The following ARHGEF38 variants were observed in gnomAD, a reference collection of about 807,000 sequenced individuals.
The protein encoded by ARHGEF38 is Rho guanine nucleotide exchange factor (GEF) 38.
ARHGEF38 carries 79 observed loss-of-function variants against 79.9 expected under a neutral mutation model. The observed-to-expected ratio is 0.99, with a 90% CI of 0.82 to 1.19. The LOEUF is 1.19. Among genes scored for constraint, ARHGEF38 ranks in the 50% most tolerant of loss-of-function variants. The probability of loss-of-function intolerance (pLI) is 0.00; values close to 1 mark genes in which losing one functional copy is unlikely to be tolerated. For synonymous variants in ARHGEF38, 366 were observed against 328.3 expected, an observed-to-expected ratio of 1.11 and a Z score of -1.24; for missense variants, 962 against 907.2, an observed-to-expected ratio of 1.06 and a Z score of -0.78.
chr4:105,626,634 A>C (rs10023798), intron 3 of ARHGEF38, among the ~76,000 whole-genome samples: 29,142 of 151,914 alleles, frequency 0.19, 3,555 homozygotes, highest in African/African-American at 0.34. Flanking sequence ...ATTATAGAAG[A>C]CTTTCAGTTT....
chr4:105,627,625 C>T (rs1729001935), intron 3 of ARHGEF38, among the ~76,000 whole-genome samples: 1 of 152,030 alleles, frequency 6.6e-6, no homozygotes, highest in South Asian at 2.1e-4. Context: ...AAAAGAAGAG[C>T]ACACTAGTTT....
intron 2 of ARHGEF38, among the ~76,000 whole-genome samples, chr4:105,596,544 G>T (rs1253828064): frequency 6.6e-6 from 1 of 152,164 alleles, no homozygotes; most frequent in Non-Finnish European, 1.5e-5. Flanking sequence ...ACTGTTCAAA[G>T]ACCATAATAC....
chr4:105,664,336 T>A (rs1730673741), intron 10 of ARHGEF38, among the ~76,000 whole-genome samples: 1 of 152,246 alleles, frequency 6.6e-6, no homozygotes, highest in Non-Finnish European at 1.5e-5. Context: ...CCCGCCTCAG[T>A]GGTAACTACT....
chr4:105,656,290 A>G (rs1311772562), intron 9 of ARHGEF38, among the ~76,000 whole-genome samples: 1 of 152,154 alleles, frequency 6.6e-6, no homozygotes, highest in Non-Finnish European at 1.5e-5. Flanking sequence ...TCCTGGGGTC[A>G]AGTGAGCTAT....
chr4:105,620,264 G>A (rs1056507237), intron 3 of ARHGEF38, among the ~76,000 whole-genome samples: 1 of 152,120 alleles, frequency 6.6e-6, no homozygotes, highest in Non-Finnish European at 1.5e-5. Context: ...AGAACACATG[G>A]GTTTTAATAT....
At chr4:105,635,653 G>A (rs1228442041) in intron 4 of ARHGEF38, among the ~76,000 whole-genome samples, 1 of 152,002 alleles carries the variant, frequency 6.6e-6, no homozygotes, top group Admixed American at 6.6e-5. Flanking sequence ...TTTCCCTTTA[G>A]AAGAGGAAAG....
chr4:105,655,473 T>A (rs1730282095), intron 8 of ARHGEF38, 130 bp from the exon 9 acceptor site: 1 of 937,730 alleles, frequency 1.1e-6, no homozygotes. Context: ...TTATAAAATG[T>A]TTGTTGTTCC....
At chr4:105,652,482 T>C (rs1410334968) in intron 7 of ARHGEF38, among the ~76,000 whole-genome samples, 1 of 152,162 alleles carries the variant, frequency 6.6e-6, no homozygotes, top group African/African-American at 2.4e-5. Context: ...GGAGGATTTA[T>C]AGAATGGGTG....
At chr4:105,556,877 A>T (rs1438185927) in intron 1 of ARHGEF38, among the ~76,000 whole-genome samples, 1 of 152,220 alleles carries the variant, frequency 6.6e-6, no homozygotes, top group African/African-American at 2.4e-5. Context: ...CAGTTAAATG[A>T]ACATCAGAGA....
At chr4:105,593,191 C>A (rs1002260613) in intron 2 of ARHGEF38, among the ~76,000 whole-genome samples, 1 of 151,992 alleles carries the variant, frequency 6.6e-6, no homozygotes, top group Non-Finnish European at 1.5e-5. Context: ...AAAATAAGCA[C>A]AATTTATCAA....
chr4:105,639,159 AT>A (rs1466361343), intron 5 of ARHGEF38, among the ~76,000 whole-genome samples: 1 of 151,870 alleles, frequency 6.6e-6, no homozygotes, highest in African/African-American at 2.4e-5. Context: ...CATTTTTCCT[AT>A]GTATTTAACT....
In ARHGEF38 at chr4:105,583,097, T is replaced by C. The variant is rs1726874753; in HGVS notation, c.197-6151T>C. The stretch of plus-strand genomic sequence containing the variant: ...TGGTCACTTGAGTTATGATTACACA[T>C]AGATTTGAATCGACTGCCTTATATT... On this transcript the variant is annotated intron_variant, in intron 1 of 13. Coordinates refer to ENST00000420470, the MANE Select transcript of ARHGEF38 (RefSeq NM_001242729.2). 3.3e-5 allele frequency among the ~76,000 whole-genome samples: 5 copies of C among 152,192 alleles called. No homozygotes were observed. In the South Asian group the frequency reaches 1.0e-3, roughly 32 times the overall value.
intron 1 of ARHGEF38, among the ~76,000 whole-genome samples, chr4:105,571,135 G>A (rs990325791): frequency 2.0e-5 from 3 of 152,030 alleles, no homozygotes; most frequent in Admixed American, 6.5e-5. Context: ...ATTTAATGCC[G>A]CTGAACTGCA....
intron 1 of ARHGEF38, among the ~76,000 whole-genome samples, chr4:105,581,322 C>T (rs1326275913): frequency 6.6e-6 from 1 of 152,112 alleles, no homozygotes; most frequent in Non-Finnish European, 1.5e-5. Flanking sequence ...TCAGGAATAG[C>T]ATCTTTCAAA....
chr4:105,657,512 A>G (rs1004680010), intron 9 of ARHGEF38, among the ~76,000 whole-genome samples: 7 of 152,182 alleles, frequency 4.6e-5, no homozygotes, highest in Non-Finnish European at 1.5e-5. Flanking sequence ...TTTTAGGACA[A>G]AATAATAAAG....
chr4:105,564,424 C>T (rs1245778878), intron 1 of ARHGEF38, among the ~76,000 whole-genome samples: 1 of 152,042 alleles, frequency 6.6e-6, no homozygotes, highest in Non-Finnish European at 1.5e-5. Context: ...CTATATGATT[C>T]TACTTATATG....
intron 4 of ARHGEF38, among the ~76,000 whole-genome samples, chr4:105,632,502 T>C (rs956775637): frequency 1.3e-5 from 2 of 152,200 alleles, no homozygotes; most frequent in African/African-American, 4.8e-5. Flanking sequence ...TTTGAAGTTG[T>C]GTTCATTTTA....
Position 105,593,652 on chromosome 4 carries a change from G to A in ARHGEF38, c.384+4217G>A, listed in dbSNP as rs868361017. On this transcript the variant is annotated intron_variant, in intron 2 of 13. Transcript: ENST00000420470. ...GACTAAGTTTACCTTATATGAAAAT[G>A]TTGCCAATTTAAATAATCTGCTACA... Among the ~76,000 whole-genome samples the A allele has an allele frequency of 4.3e-4, 65 of 152,308 alleles. 1 individual carries two copies. Among genetic ancestry groups the A allele is most frequent in the African/African-American group, 1.5e-3 (61 of 41,566 alleles).
chr4:105,571,785 T>G (rs1019927233), intron 1 of ARHGEF38, among the ~76,000 whole-genome samples: 6 of 152,246 alleles, frequency 3.9e-5, no homozygotes, highest in Non-Finnish European at 8.8e-5. Context: ...TCAATGTAGA[T>G]TCTAACAATA....
Sources: gnomAD v4.1 joint callset for allele counts (sites outside exome capture counted in the v4.1 genomes callset) on GRCh38, gnomAD v4.1.1 for gene constraint, MANE v1.5 for transcripts, NCBI Gene and HGNC (gene_info 2026-07-23, HGNC 2026-07-21) for gene names.